ROBO2: variants seen among roughly 807,000 people sequenced by gnomAD.
ROBO2 encodes roundabout guidance receptor 2.
A neutral mutation model predicts 160.8 loss-of-function variants in ROBO2; 53 were observed. The observed-to-expected ratio is 0.33, with a 90% CI of 0.26 to 0.41. The LOEUF (loss-of-function observed/expected upper bound fraction) is 0.41. ROBO2 is among the 10% of genes least tolerant of loss of function. The probability of loss-of-function intolerance (pLI) is 1.00; values close to 1 mark genes in which losing one functional copy is unlikely to be tolerated. For synonymous variants in ROBO2, 664 were observed against 611.7 expected, an observed-to-expected ratio of 1.09 and a Z score of -1.26; for missense variants, 1,577 against 1,722.4, an observed-to-expected ratio of 0.92 and a Z score of 1.49.
At chr3:76,681,990 G>T (rs1161148909) in intron 2 of ROBO2, among the ~76,000 whole-genome samples, 1 of 152,120 alleles carries the variant, frequency 6.6e-6, no homozygotes, top group African/African-American at 2.4e-5. Flanking sequence ...ATTTACGGGA[G>T]GTCATATGTG....
intron 2 of ROBO2, among the ~76,000 whole-genome samples, chr3:76,695,089 G>T (rs764647797): frequency 6.6e-6 from 1 of 152,178 alleles, no homozygotes; most frequent in African/African-American, 2.4e-5. Context: ...GGGCGATGGA[G>T]TGAGGCCCTG....
Position 76,845,381 on chromosome 3 carries a change from C to A in ROBO2, c.110-252633C>A, listed in dbSNP as rs181059231. Among the ~76,000 whole-genome samples the A allele has an allele frequency of 1.7e-3, 263 of 152,042 alleles. 1 individual carries two copies. The highest frequency in any genetic ancestry group is 2.4e-3 in the Non-Finnish European group (164 of 67,870). ...CCTTTCTAAAAAATATTTTTGACAACCATCATTAGTATAGTGATCTAAAAT... is the reference window on the plus strand; with the variant it reads ...CCTTTCTAAAAAATATTTTTGACAAACATCATTAGTATAGTGATCTAAAAT... On this transcript the variant is annotated intron_variant, in intron 2 of 26. Coordinates refer to the ROBO2 transcript ENST00000487694.
chr3:75,992,917 C>T (rs2065616249), intron 2 of ROBO2, among the ~76,000 whole-genome samples: 1 of 152,162 alleles, frequency 6.6e-6, no homozygotes. Context: ...TTGCATGGGG[C>T]CTTTAGCCCC....
chr3:76,037,360 C>G (rs141906168), intron 2 of ROBO2, among the ~76,000 whole-genome samples: 1 of 150,836 alleles, frequency 6.6e-6, no homozygotes, highest in East Asian at 2.0e-4. Flanking sequence ...TGGCTTCAAG[C>G]GATTCTGCTG....
chr3:75,951,566 A>G (rs557872478), intron 2 of ROBO2, among the ~76,000 whole-genome samples: 19 of 152,196 alleles, frequency 1.2e-4, no homozygotes, highest in African/African-American at 4.3e-4. Flanking sequence ...TGAGAAATTA[A>G]TGGTACTGCC....
chr3:76,820,309 A>G (rs2066008085), intron 2 of ROBO2, among the ~76,000 whole-genome samples: 1 of 152,098 alleles, frequency 6.6e-6, no homozygotes, highest in African/African-American at 2.4e-5. Context: ...TCTCCCTGGC[A>G]TAACATTAGT....
At chr3:77,069,671 A>G (rs2067208396) in intron 1 of ROBO2, among the ~76,000 whole-genome samples, 1 of 152,200 alleles carries the variant, frequency 6.6e-6, no homozygotes, top group Non-Finnish European at 1.5e-5. Flanking sequence ...ACATGTATTC[A>G]GCAGCTCCTT....
intron 2 of ROBO2, among the ~76,000 whole-genome samples, chr3:77,196,204 C>G (rs1221233112): frequency 6.6e-6 from 1 of 152,134 alleles, no homozygotes; most frequent in African/African-American, 2.4e-5. Context: ...TGTGAGAAAT[C>G]CATTTGGAAG....
intron 2 of ROBO2, among the ~76,000 whole-genome samples, chr3:76,105,606 C>T (rs2069890152): frequency 6.6e-6 from 1 of 152,098 alleles, no homozygotes; most frequent in Non-Finnish European, 1.5e-5. Context: ...ATACAGATAT[C>T]TTGATACCTG....
intron 2 of ROBO2, among the ~76,000 whole-genome samples, chr3:77,158,918 A>G (rs1402747259): frequency 1.3e-5 from 2 of 152,170 alleles, no homozygotes; most frequent in South Asian, 4.1e-4. Flanking sequence ...AAAATGCCAC[A>G]TTTTCACCGT....
At position 76,527,199 on chromosome 3, in the gene ROBO2, T is replaced by A. The variant is rs150069449; in HGVS notation, c.110-570815T>A. 5.1e-3 allele frequency among the ~76,000 whole-genome samples: 783 copies of A among 152,208 alleles called. 9 individuals carry two copies. The highest frequency in any genetic ancestry group is 0.017 in the African/African-American group (720 of 41,554). On this transcript the variant is annotated intron_variant, in intron 2 of 26. Transcript: ENST00000487694. ...TGAAAAAATGGTATATTGCACGTAA[T>A]CCTCACAAAAGCCAGAGTGATAAAA... is the stretch of plus-strand genomic sequence containing the variant.
chr3:76,556,776 CAA>C (rs2083819698), intron 2 of ROBO2, among the ~76,000 whole-genome samples: 1 of 152,052 alleles, frequency 6.6e-6, no homozygotes, highest in African/African-American at 2.4e-5. Context: ...TGTGCCAATT[CAA>C]GTTATTATGC....
At chr3:76,180,845 A>G (rs1203347711) in intron 2 of ROBO2, among the ~76,000 whole-genome samples, 1 of 152,090 alleles carries the variant, frequency 6.6e-6, no homozygotes, top group African/African-American at 2.4e-5. Flanking sequence ...TTACCATCCT[A>G]CAAGGCCCTG....
intron 1 of ROBO2, among the ~76,000 whole-genome samples, chr3:77,074,624 T>C (rs2149865189): frequency 6.6e-6 from 1 of 152,266 alleles, no homozygotes; most frequent in Admixed American, 6.5e-5. Context: ...ACTTTCTATT[T>C]TCTCTCCCAT....
intron 2 of ROBO2, among the ~76,000 whole-genome samples, chr3:76,191,056 G>A (rs1372191072): frequency 6.6e-6 from 1 of 152,062 alleles, no homozygotes; most frequent in Non-Finnish European, 1.5e-5. Flanking sequence ...GTTGTATCAA[G>A]ATAGCAACAG....
intron 2 of ROBO2, among the ~76,000 whole-genome samples, chr3:77,169,745 T>A (rs1012988117): frequency 4.7e-4 from 72 of 151,656 alleles, no homozygotes; most frequent in African/African-American, 1.7e-3. Flanking sequence ...TTTCTTTTTT[T>A]ATTTTTTCAT....
At chr3:76,048,001 G>C (rs1257596447) in intron 2 of ROBO2, among the ~76,000 whole-genome samples, 1 of 152,160 alleles carries the variant, frequency 6.6e-6, no homozygotes, top group Non-Finnish European at 1.5e-5. Flanking sequence ...TGATTTATCA[G>C]TGCATTGCTG....
chr3:76,376,579 T>G (rs1306561639), intron 2 of ROBO2, among the ~76,000 whole-genome samples: 1 of 152,076 alleles, frequency 6.6e-6, no homozygotes, highest in East Asian at 1.9e-4. Flanking sequence ...TGAGCAAATA[T>G]GAGCTCACTG....
chr3:77,162,246 AC>A (rs1314155670), intron 2 of ROBO2, among the ~76,000 whole-genome samples: 1 of 152,238 alleles, frequency 6.6e-6, no homozygotes, highest in African/African-American at 2.4e-5. Flanking sequence ...TACACTAATA[AC>A]AACATGGTGT....
Sources: gnomAD v4.1 joint callset for allele counts (sites outside exome capture counted in the v4.1 genomes callset) on GRCh38, gnomAD v4.1.1 for gene constraint, MANE v1.5 for transcripts, NCBI Gene and HGNC (gene_info 2026-07-23, HGNC 2026-07-21) for gene names.